The following MUSK variants were observed in gnomAD, a reference collection of about 807,000 sequenced individuals.
The protein encoded by MUSK is muscle, skeletal receptor tyrosine-protein kinase.
A neutral mutation model predicts 88.7 loss-of-function variants in MUSK; 55 were observed. The observed-to-expected ratio is 0.62, with a 90% CI of 0.50 to 0.78. MUSK has a LOEUF of 0.78. Among genes scored for constraint, MUSK ranks in the 30% least tolerant of loss-of-function variants. The probability of loss-of-function intolerance (pLI) is 0.00; values close to 1 mark genes in which losing one functional copy is unlikely to be tolerated. For synonymous variants in MUSK, 387 were observed against 391.9 expected, an observed-to-expected ratio of 0.99 and a Z score of 0.15; for missense variants, 1,015 against 1,074.3, an observed-to-expected ratio of 0.94 and a Z score of 0.77.
At chr9:110,719,239 A>G (rs766383925) in intron 5 of MUSK, among the ~76,000 whole-genome samples, 15 of 152,062 alleles carry the variant, frequency 9.9e-5, no homozygotes, top group East Asian at 1.9e-4. Context: ...TCTCATCTCA[A>G]TACTAACGTG....
intron 3 of MUSK, among the ~76,000 whole-genome samples, chr9:110,694,270 C>T (rs1244397871): frequency 6.7e-6 from 1 of 149,436 alleles, no homozygotes; most frequent in African/African-American, 2.5e-5. Flanking sequence ...CCTGTAGTCC[C>T]AGCTACTCGG....
Position 110,806,201 on chromosome 9 carries a change from A to C in MUSK, c.*5213A>C, listed in dbSNP as rs1374037478. Among the ~76,000 whole-genome samples, 1 of 152,140 alleles carries C rather than the reference A, an allele frequency of 6.6e-6. No individual in the cohort carries two copies. Among genetic ancestry groups the C allele is most frequent in the Non-Finnish European group, 1.5e-5 (1 of 67,992 alleles). ...TTCTGAATTGATCAATTTTTTAAAA[A>C]TATGCAGCACTCTGACTCAAACTCC... On this transcript the variant is annotated 3_prime_UTR_variant, in exon 15 of 15. Transcript: ENST00000374448.
chr9:110,679,617 T>C (rs971302916), intron 1 of MUSK, among the ~76,000 whole-genome samples: 1 of 152,012 alleles, frequency 6.6e-6, no homozygotes, highest in Non-Finnish European at 1.5e-5. Context: ...CTTGGCTTAT[T>C]TATTCCTCCT....
chr9:110,776,397 G>C (rs1010571450), intron 10 of MUSK, among the ~76,000 whole-genome samples: 1 of 152,182 alleles, frequency 6.6e-6, no homozygotes, highest in African/African-American at 2.4e-5. Context: ...AAACAAAATT[G>C]AATTGCTTCA....
intron 8 of MUSK, 135 bp from the exon 9 acceptor site, chr9:110,767,685 C>T (rs1038023063): frequency 1.5e-5 from 13 of 887,106 alleles, no homozygotes; most frequent in South Asian, 8.6e-5. Context: ...TCAAATGGAG[C>T]GTGTCAACCA....
At position 110,784,932 on chromosome 9, in the gene MUSK, T is replaced by C. The variant is rs1564290813; in HGVS notation, c.1502T>C (p.Met501Thr). Reference sequence around the variant, plus strand: ...TCCATGACTGTAATAATCTCCATCATGTCCAGCTTTGCAATATTTGTGCTT... The same window carrying C: ...TCCATGACTGTAATAATCTCCATCACGTCCAGCTTTGCAATATTTGTGCTT... Reference protein sequence around the residue: ...TYSMTVIISIMSSFAIFVLLT... With the variant: ...TYSMTVIISITSSFAIFVLLT... The change falls in exon 12 of 15, where the codon ATG (methionine) becomes ACG (threonine). Residue 501 changes from methionine to threonine, a missense_variant. Coordinates refer to ENST00000374448, the MANE Select transcript of MUSK (RefSeq NM_005592.4). The C allele has an allele frequency of 6.2e-7, 1 of 1,613,928 alleles. No homozygotes were observed. Among genetic ancestry groups the C allele is most frequent in the East Asian group, 2.2e-5 (1 of 44,870 alleles).
In MUSK at chr9:110,803,080, T is replaced by G. The variant is rs1193368774; in HGVS notation, c.*2092T>G. Among the ~76,000 whole-genome samples, 1 of 152,208 alleles carries G rather than the reference T, an allele frequency of 6.6e-6. No individual in the cohort carries two copies. Among genetic ancestry groups the G allele is most frequent in the Non-Finnish European group, 1.5e-5 (1 of 68,030 alleles). On this transcript the variant is annotated 3_prime_UTR_variant, in exon 15 of 15. Coordinates refer to ENST00000374448, the MANE Select transcript of MUSK (RefSeq NM_005592.4). Reference sequence around the variant, plus strand: ...GATGGTTCATGTATGCTCTGCAAAATTCAAAGACAGCTTCGGGCTTTCTCC... The same window carrying G: ...GATGGTTCATGTATGCTCTGCAAAAGTCAAAGACAGCTTCGGGCTTTCTCC...
chr9:110,690,347 T>G (rs1355033976), intron 3 of MUSK, among the ~76,000 whole-genome samples: 7 of 109,640 alleles, frequency 6.4e-5, no homozygotes, highest in Non-Finnish European at 9.9e-5. Context: ...AGTATATATA[T>G]ATTTAAATAT....
chr9:110,680,161 G>A (rs3001141), intron 1 of MUSK, among the ~76,000 whole-genome samples: 105,710 of 151,878 alleles, frequency 0.7, 38,129 homozygotes, highest in African/African-American at 0.86. Flanking sequence ...AGCTAGCTGT[G>A]TAATTCTAAG....
intron 6 of MUSK, among the ~76,000 whole-genome samples, chr9:110,747,165 G>C (rs140656718): frequency 6.6e-6 from 1 of 152,302 alleles, no homozygotes; most frequent in East Asian, 1.9e-4. Context: ...GCCTGATCTT[G>C]GCTGGTCAAG....
intron 6 of MUSK, among the ~76,000 whole-genome samples, chr9:110,738,551 C>T (rs2077056328): frequency 6.6e-6 from 1 of 152,164 alleles, no homozygotes; most frequent in African/African-American, 2.4e-5. Flanking sequence ...CATCCAATGG[C>T]ATTCACAGTT....
intron 14 of MUSK, among the ~76,000 whole-genome samples, chr9:110,791,128 C>G (rs1165366371): frequency 6.6e-6 from 1 of 152,056 alleles, no homozygotes. Context: ...CGAATAGGAA[C>G]AGCTCCGGTC....
At chr9:110,725,535 T>G (rs1021208660) in intron 5 of MUSK, among the ~76,000 whole-genome samples, 1 of 151,968 alleles carries the variant, frequency 6.6e-6, no homozygotes, top group Non-Finnish European at 1.5e-5. Flanking sequence ...AAATTATATC[T>G]CAGATTAGTC....
chr9:110,724,450 T>A lies in MUSK; in HGVS notation c.629-9801T>A, dbSNP rs10980543. 1.0e-3 allele frequency among the ~76,000 whole-genome samples: 158 copies of A among 152,136 alleles called. 1 individual carries two copies. In the East Asian group the frequency reaches 0.029, roughly 28 times the overall value. ...TCAGGGAGCAATTTTAGGACTCTAT[T>A]CTGTAATGTTTTGACATTCAATCCA... On this transcript the variant is annotated intron_variant, in intron 5 of 14. Transcript: ENST00000374448.
intron 3 of MUSK, among the ~76,000 whole-genome samples, chr9:110,690,202 A>G (rs1203279081): frequency 2.9e-5 from 3 of 105,224 alleles, no homozygotes; most frequent in South Asian, 6.7e-4. Flanking sequence ...ATATAAATAT[A>G]TATAAATATA....
At chr9:110,738,236 A>G (rs73540126) in intron 6 of MUSK, among the ~76,000 whole-genome samples, 13,357 of 152,064 alleles carry the variant, frequency 0.088, 720 homozygotes, top group African/African-American at 0.15. Flanking sequence ...ATCTTTCTAT[A>G]TATTTACTTT....
intron 14 of MUSK, chr9:110,788,145 A>G (rs2077906977): frequency 3.0e-6 from 1 of 329,350 alleles, no homozygotes; most frequent in Non-Finnish European, 5.7e-6. Flanking sequence ...ATTTATCAAT[A>G]TTGAAAAGTC....
At chr9:110,724,818 T>A (rs2076862043) in intron 5 of MUSK, among the ~76,000 whole-genome samples, 1 of 152,018 alleles carries the variant, frequency 6.6e-6, no homozygotes, top group South Asian at 2.1e-4. Flanking sequence ...TGAGTAGTAC[T>A]CTTTGTGCTA....
At chr9:110,784,114 A>G (rs570257193) in intron 11 of MUSK, among the ~76,000 whole-genome samples, 2 of 152,188 alleles carry the variant, frequency 1.3e-5, no homozygotes, top group South Asian at 4.1e-4. Context: ...CTATTAAAAC[A>G]TTGTTGCTGA....
Sources: gnomAD v4.1 joint callset for allele counts (sites outside exome capture counted in the v4.1 genomes callset) on GRCh38, gnomAD v4.1.1 for gene constraint, MANE v1.5 for transcripts, NCBI Gene and HGNC (gene_info 2026-07-23, HGNC 2026-07-21) for gene names.